The following PCDHGA4 variants were observed in gnomAD, a reference collection of about 807,000 sequenced individuals.
The protein encoded by PCDHGA4 is protocadherin gamma-A4.
PCDHGA4 carries 38 observed loss-of-function variants against 54.6 expected under a neutral mutation model. The ratio of observed to expected loss-of-function variants is 0.70; its 90% CI spans 0.54 to 0.91. PCDHGA4 has a LOEUF of 0.91. Ranked by LOEUF, PCDHGA4 falls within the 40% of genes least tolerant of loss-of-function variation. The probability of loss-of-function intolerance (pLI) is 0.00; values close to 1 mark genes in which losing one functional copy is unlikely to be tolerated. For missense variants in PCDHGA4, 1,298 were observed against 1,220.9 expected (o/e 1.06, Z -0.94); for synonymous variants, 511 against 512.9 (o/e 1.00, Z 0.05).
intron 1 of PCDHGA4, among the ~76,000 whole-genome samples, chr5:141,424,906 A>T (rs1417615946): frequency 5.9e-5 from 9 of 152,212 alleles, no homozygotes. Context: ...GATCACAGGA[A>T]TCATTTCCAT....
chr5:141,404,600 CTGTT>C (rs901473063), intron 1 of PCDHGA4: 9 of 1,613,938 alleles, frequency 5.6e-6, no homozygotes, highest in East Asian at 2.2e-5. Flanking sequence ...GTCATTGAGA[CTGTT>C]TGTTTTGGAC....
rs1467261705 is a variant in PCDHGA4, at chr5:141,417,640, C to G, written c.2514+60019C>G. 6.6e-6 allele frequency: 5 copies of G among 761,360 alleles called. No homozygotes were observed. The African/African-American group carries it at 8.8e-5, about 13-fold the overall frequency. 47.2% of individuals were successfully genotyped at this position (761,360 alleles called of 1,614,324 possible). A position where few individuals can be genotyped will look rare whatever the true frequency, so the allele number is the denominator to read the frequency against. On this transcript the variant is annotated intron_variant, in intron 1 of 3. Coordinates refer to ENST00000571252, the MANE Select transcript of PCDHGA4 (RefSeq NM_018917.4). ...AGAGCAAGCGCTGACGCCGGGGATC[C>G]CTCAGCCTCTAGCCTGGGATTCCCT...
At chr5:141,369,369 T>G (rs1354774956) in intron 1 of PCDHGA4, among the ~76,000 whole-genome samples, 28 of 152,158 alleles carry the variant, frequency 1.8e-4, no homozygotes, top group Admixed American at 1.8e-3. Flanking sequence ...AAAACATCCT[T>G]TGTAAAAGTT....
chr5:141,409,045 C>T (rs1228603483), intron 1 of PCDHGA4: 1 of 1,613,878 alleles, frequency 6.2e-7, no homozygotes, highest in Non-Finnish European at 8.5e-7. Flanking sequence ...ACTACTACTT[C>T]CGAAGCACTG....
intron 1 of PCDHGA4, chr5:141,388,958 C>T (rs767426744): frequency 7.4e-6 from 12 of 1,613,930 alleles, no homozygotes; most frequent in East Asian, 2.2e-5. Context: ...TGGAGGACGC[C>T]GAGCTGGGAA....
In PCDHGA4 at chr5:141,423,972, T is replaced by C. The variant is rs1459859824; in HGVS notation, c.2514+66351T>C. ...TTTAGTATTATTTTTCTATTATCAG[T>C]GTATGAGGCTCTCAATTTATTATAT... On this transcript the variant is annotated intron_variant, in intron 1 of 3. Transcript: ENST00000571252. 4 of 1,128,544 alleles carry C rather than the reference T, an allele frequency of 3.5e-6. No homozygotes were observed. The East Asian group carries it at 1.9e-4, about 53-fold the overall frequency. The allele number at this position is 1,128,544 out of a possible 1,614,324, so 69.9% of individuals were successfully genotyped here.
In PCDHGA4 at chr5:141,490,007, C is replaced by T. The variant is rs766407642; in HGVS notation, c.2515-4800C>T. On this transcript the variant is annotated intron_variant, in intron 1 of 3. Coordinates refer to ENST00000571252, the MANE Select transcript of PCDHGA4 (RefSeq NM_018917.4). The surrounding 1 kb of genome is among the most constrained non-coding windows in gnomAD (Gnocchi z 5.4). ...CGTGTGGGAATCCCAGAGAATGCACCCATTGGTACTCTGCTGCTCCGCCTC... is the reference window on the plus strand; with the variant it reads ...CGTGTGGGAATCCCAGAGAATGCACTCATTGGTACTCTGCTGCTCCGCCTC... 6.2e-7 allele frequency: 1 copy of T among 1,614,200 alleles called. No homozygotes were observed. The highest frequency in any genetic ancestry group is 8.5e-7 in the Non-Finnish European group (1 of 1,180,016).
chr5:141,421,640 A>T (rs367946949), intron 1 of PCDHGA4: 1 of 1,613,716 alleles, frequency 6.2e-7, no homozygotes, highest in Non-Finnish European at 8.5e-7. Context: ...CAGGAGGACG[A>T]AGTGGAGATA....
At chr5:141,430,575 A>G in intron 1 of PCDHGA4, 2 of 455,822 alleles carry the variant, frequency 4.4e-6, no homozygotes, top group East Asian at 3.5e-5. Flanking sequence ...AAAAGCGGAG[A>G]TCCTGCTCGC....
rs561359605 is a variant in PCDHGA4 at position 141,400,125 on chromosome 5, G to A, written c.2514+42504G>A. ...TGGTCTTTGCTGACAGCTTGCAGGA[G>A]GTGCTGCCGGATATCACTGACCGCC... On this transcript the variant is annotated intron_variant, in intron 1 of 3. Coordinates refer to ENST00000571252, the MANE Select transcript of PCDHGA4 (RefSeq NM_018917.4). The A allele has an allele frequency of 2.5e-4, 399 of 1,614,072 alleles. 3 individuals are homozygous for A. In the Admixed American group the frequency reaches 6.3e-3, roughly 26 times the overall value.
At position 141,489,244 on chromosome 5, in the gene PCDHGA4, G is replaced by C. The variant is rs145484133; in HGVS notation, c.2515-5563G>C. The C allele has an allele frequency of 3.3e-6, 5 of 1,534,936 alleles. No homozygotes were observed. Among genetic ancestry groups the C allele is most frequent in the African/African-American group, 1.4e-5 (1 of 72,374 alleles). On this transcript the variant is annotated intron_variant, in intron 1 of 3. Transcript: ENST00000571252. This position sits in a 1 kb window ranked among gnomAD's most constrained non-coding sequence, Gnocchi z 4.5. ...TCCACAAAGGGACTTCTGGGTCATGGGGCCCAAGACACTCCCACAGCTCGC... is the reference window on the plus strand; with the variant it reads ...TCCACAAAGGGACTTCTGGGTCATGCGGCCCAAGACACTCCCACAGCTCGC...
chr5:141,382,779 C>G (rs1561592016), intron 1 of PCDHGA4: 3 of 834,176 alleles, frequency 3.6e-6, no homozygotes, highest in Non-Finnish European at 5.6e-6. Flanking sequence ...GCACTAAACT[C>G]AAGCCTCTAT....
At chr5:141,384,870 C>G in intron 1 of PCDHGA4, 4 of 1,613,806 alleles carry the variant, frequency 2.5e-6, no homozygotes, top group South Asian at 1.1e-5. Context: ...TGTCAGCCAC[C>G]GTCACACTCA....
chr5:141,427,664 C>T (rs760682962), intron 1 of PCDHGA4: 11 of 775,778 alleles, frequency 1.4e-5, no homozygotes, highest in East Asian at 1.0e-4. Context: ...TCCACGTGGC[C>T]GAAAACAACC....
chr5:141,411,859 C>CA (rs553337516), intron 1 of PCDHGA4: 8,585 of 145,752 alleles, frequency 0.059, 330 homozygotes, highest in Non-Finnish European at 0.088. Context: ...GACCCTGTCT[C>CA]AAAAAAAAAA....
At chr5:141,404,762 C>T (rs1466259455) in intron 1 of PCDHGA4, 1 of 1,613,828 alleles carries the variant, frequency 6.2e-7, no homozygotes, top group East Asian at 2.2e-5. Flanking sequence ...GAATGCTTGG[C>T]TCTCCTACCG....
chr5:141,422,062 A>C, intron 1 of PCDHGA4: 4 of 1,612,140 alleles, frequency 2.5e-6, no homozygotes, highest in Non-Finnish European at 3.4e-6. Context: ...CGGGGAAGTA[A>C]TGTATTCATT....
intron 1 of PCDHGA4, chr5:141,403,422 C>G: frequency 6.2e-7 from 1 of 1,614,030 alleles, no homozygotes; most frequent in Non-Finnish European, 8.5e-7. Flanking sequence ...CTTCCAGAAG[C>G]TATTGATCCG....
Position 141,500,858 on chromosome 5 carries a change from A to G in PCDHGA4, c.2574-4535A>G, listed in dbSNP as rs1160743056. Among the ~76,000 whole-genome samples the G allele has an allele frequency of 3.3e-5, 5 of 150,740 alleles. No individual in the cohort carries two copies. The South Asian group carries it at 1.0e-3, about 32-fold the overall frequency. ...TAATGGGCTTTTGCTACATTAGAAA[A>G]CATACACATTCATTTACAATTTTTT... On this transcript the variant is annotated intron_variant, in intron 2 of 3. Coordinates refer to ENST00000571252, the MANE Select transcript of PCDHGA4 (RefSeq NM_018917.4).
Sources: gnomAD v4.1 joint callset for allele counts (sites outside exome capture counted in the v4.1 genomes callset) on GRCh38, gnomAD v4.1.1 for gene constraint, Gnocchi (gnomAD v3.1) non-coding constraint, MANE v1.5 for transcripts, NCBI Gene and HGNC (gene_info 2026-07-23, HGNC 2026-07-21) for gene names.